NTNG2: variants seen among roughly 807,000 people sequenced by gnomAD.
NTNG2 encodes netrin G2.
Under a neutral mutation model 47.6 loss-of-function variants are expected in NTNG2, and 15 were observed. The ratio of observed to expected loss-of-function variants is 0.32; its 90% confidence interval spans 0.21 to 0.49. The LOEUF is 0.49. NTNG2 is among the 20% of genes least tolerant of loss of function. NTNG2 has a pLI of 0.99. For missense variants in NTNG2, 578 were observed against 764.6 expected (o/e 0.76, Z 2.88); for synonymous variants, 307 against 324.6 (o/e 0.95, Z 0.58).
At position 132,218,672 on chromosome 9, in the gene NTNG2, T is replaced by C. The variant is rs1460421627; in HGVS notation, c.858-8177T>C. 6.6e-6 allele frequency among the ~76,000 whole-genome samples: 1 copy of C among 152,022 alleles called. No individual in the cohort carries two copies. Among genetic ancestry groups the C allele is most frequent in the Non-Finnish European group, 1.5e-5 (1 of 68,000 alleles). On this transcript the variant is annotated intron_variant, in intron 3 of 7. Coordinates refer to ENST00000393229, the MANE Select transcript of NTNG2 (RefSeq NM_032536.4). The surrounding 1 kb of genome is among the most constrained non-coding windows in gnomAD (Gnocchi z 5.4). ...CCACCACACCCAGCTAATTTTTGTA[T>C]TTTTAGTAGAGACGGGATTTCACCA...
At chr9:132,223,407 T>C (rs1220943626) in intron 3 of NTNG2, among the ~76,000 whole-genome samples, 1 of 151,894 alleles carries the variant, frequency 6.6e-6, no homozygotes, top group Non-Finnish European at 1.5e-5. Flanking sequence ...CTGGCAGGAC[T>C]GAGATATGAG....
chr9:132,222,786 T>G (rs1840437677), intron 3 of NTNG2, among the ~76,000 whole-genome samples: 1 of 152,132 alleles, frequency 6.6e-6, no homozygotes, highest in South Asian at 2.1e-4. Context: ...TGGCCTGACC[T>G]CATGTTTCTA....
intron 4 of NTNG2, among the ~76,000 whole-genome samples, chr9:132,229,029 C>T (rs1841001110): frequency 1.3e-5 from 2 of 152,122 alleles, no homozygotes; most frequent in South Asian, 4.1e-4. Flanking sequence ...CCTGTAGGGG[C>T]TGGGCAGCTG....
rs970693244 is a variant in NTNG2 at position 132,197,024 on chromosome 9, G to A, written c.214-942G>A. On this transcript the variant is annotated intron_variant, in intron 2 of 7. Transcript: ENST00000393229. The surrounding 1 kb of genome is among the most constrained non-coding windows in gnomAD (Gnocchi z 4.3). ...GAAGAGACTCACAGAGTAAGGGATC[G>A]GGGAGAGACCCAGAGCTTCCAGGCC... is the stretch of plus-strand genomic sequence containing the variant. 1.3e-5 allele frequency among the ~76,000 whole-genome samples: 2 copies of A among 152,156 alleles called. No homozygotes were observed. The highest frequency in any genetic ancestry group is 6.5e-5 in the Admixed American group (1 of 15,280).
chr9:132,194,515 C>G (rs1838135033), intron 2 of NTNG2, among the ~76,000 whole-genome samples: 1 of 152,222 alleles, frequency 6.6e-6, no homozygotes, highest in Admixed American at 6.5e-5. Flanking sequence ...CCCCCCCGCC[C>G]CATGTCCCTC....
At chr9:132,216,406 CTCTCTCTCTGTGTGTGTGTGTA>C (rs1408637662) in intron 3 of NTNG2, among the ~76,000 whole-genome samples, 42 of 95,594 alleles carry the variant, frequency 4.4e-4, no homozygotes, top group African/African-American at 2.3e-3. Flanking sequence ...CTCTCTCTCT[CTCTCTCTCTGTGTGTGTGTGTA>C]TGTGTGTGTG....
At chr9:132,224,245 C>A (rs965760400) in intron 3 of NTNG2, among the ~76,000 whole-genome samples, 1 of 152,160 alleles carries the variant, frequency 6.6e-6, no homozygotes, top group Admixed American at 6.5e-5. Context: ...TCCCCACCCC[C>A]CTGCACAGTT....
intron 2 of NTNG2, among the ~76,000 whole-genome samples, chr9:132,171,038 G>T (rs947991172): frequency 6.6e-6 from 1 of 152,152 alleles, no homozygotes; most frequent in Admixed American, 6.5e-5. Context: ...GCACTAGGGG[G>T]TCCTGGGAAT....
chr9:132,227,103 A>G (rs1196517141), intron 4 of NTNG2, 82 bp downstream of exon 4: 8 of 1,418,006 alleles, frequency 5.6e-6, no homozygotes, highest in Non-Finnish European at 7.5e-6. Flanking sequence ...TGGATCATAC[A>G]CACGCACACA....
At chr9:132,169,931 G>C (rs377588604) in intron 2 of NTNG2, among the ~76,000 whole-genome samples, 1 of 152,188 alleles carries the variant, frequency 6.6e-6, no homozygotes, top group East Asian at 1.9e-4. Flanking sequence ...ATGCAGGCTG[G>C]GGGAGCTTCC....
chr9:132,208,837 C>T lies in NTNG2; in HGVS notation c.857+10228C>T, dbSNP rs1839367662. Among the ~76,000 whole-genome samples, 1 of 152,156 alleles carries T rather than the reference C, an allele frequency of 6.6e-6. No individual in the cohort carries two copies. The highest frequency in any genetic ancestry group is 1.5e-5 in the Non-Finnish European group (1 of 68,032). ...TAGAGTCATGCAACCACCACCACAG[C>T]CTGGGCCCACAACAGCCCGTCTCTC... is the stretch of plus-strand genomic sequence containing the variant. On this transcript the variant is annotated intron_variant, in intron 3 of 7. Coordinates refer to ENST00000393229, the MANE Select transcript of NTNG2 (RefSeq NM_032536.4). This position sits in a 1 kb window ranked among gnomAD's most constrained non-coding sequence, Gnocchi z 4.0.
intron 2 of NTNG2, among the ~76,000 whole-genome samples, chr9:132,185,545 G>A (rs924530971): frequency 2.6e-5 from 4 of 152,164 alleles, no homozygotes; most frequent in South Asian, 2.1e-4. Flanking sequence ...AGAGCAGGGC[G>A]CTGTTCCTAC....
At chr9:132,228,359 G>C (rs975752212) in intron 4 of NTNG2, among the ~76,000 whole-genome samples, 3 of 152,200 alleles carry the variant, frequency 2.0e-5, no homozygotes, top group African/African-American at 7.2e-5. Context: ...GCACTCCGGG[G>C]GCTGACAGCC....
At position 132,226,307 on chromosome 9, in the gene NTNG2, T is replaced by G. The variant is rs1403937394; in HGVS notation, c.858-542T>G. 6.6e-6 allele frequency among the ~76,000 whole-genome samples: 1 copy of G among 152,218 alleles called. No homozygotes were observed. Among genetic ancestry groups the G allele is most frequent in the Non-Finnish European group, 1.5e-5 (1 of 68,042 alleles). The stretch of plus-strand genomic sequence containing the variant: ...ATGAATAATACACCTGTGAATGAAC[T>G]GACGGGGGTGTGGGAGTTGGGGGTT... On this transcript the variant is annotated intron_variant, in intron 3 of 7. Coordinates refer to ENST00000393229, the MANE Select transcript of NTNG2 (RefSeq NM_032536.4). The surrounding 1 kb of genome is among the most constrained non-coding windows in gnomAD (Gnocchi z 4.8).
Position 132,170,419 on chromosome 9 carries a change from C to T in NTNG2, c.213+3375C>T, listed in dbSNP as rs531248479. 8.5e-5 allele frequency among the ~76,000 whole-genome samples: 13 copies of T among 152,378 alleles called. 1 individual carries two copies. Among genetic ancestry groups the T allele is most frequent in the African/African-American group, 2.6e-4 (11 of 41,598 alleles). Reference sequence around the variant, plus strand: ...GGAGAAGAGAGGCGGCCCCCACCCACATTCCCAGGGCCTGCCCCTGAGGTC... The same window carrying T: ...GGAGAAGAGAGGCGGCCCCCACCCATATTCCCAGGGCCTGCCCCTGAGGTC... On this transcript the variant is annotated intron_variant, in intron 2 of 7. Transcript: ENST00000393229.
At chr9:132,230,318 T>C (rs1053998832) in intron 4 of NTNG2, among the ~76,000 whole-genome samples, 2 of 152,228 alleles carry the variant, frequency 1.3e-5, no homozygotes, top group East Asian at 3.8e-4. Context: ...TGAGATTCAG[T>C]GTCTCCTTCT....
chr9:132,228,519 C>T (rs576512147), intron 4 of NTNG2, among the ~76,000 whole-genome samples: 1 of 152,068 alleles, frequency 6.6e-6, no homozygotes, highest in East Asian at 1.9e-4. Context: ...CTCTCTCTTC[C>T]CTCCTCTCTG....
intron 3 of NTNG2, among the ~76,000 whole-genome samples, chr9:132,207,603 A>T (rs1839267545): frequency 6.6e-6 from 1 of 152,220 alleles, no homozygotes; most frequent in South Asian, 2.1e-4. Flanking sequence ...TTTCCATGTA[A>T]GGTCACATTC....
rs527693021 is a variant in NTNG2, at chr9:132,225,239, TTTTG to T, written c.858-1606_858-1603del. 3.8e-4 allele frequency among the ~76,000 whole-genome samples: 57 copies of T among 151,604 alleles called. 1 individual carries two copies. The East Asian group carries it at 0.01, about 27-fold the overall frequency. On this transcript the variant is annotated intron_variant, in intron 3 of 7. Coordinates refer to ENST00000393229, the MANE Select transcript of NTNG2 (RefSeq NM_032536.4). ...GCCCTTTTGTTTTGTCTTGTTTTGT[TTTTG>T]TTTTTGTTTTGTTTGTTTTTGTTTT...
Sources: allele counts gnomAD v4.1 joint callset (sites outside exome capture counted in the v4.1 genomes callset), GRCh38; gene constraint gnomAD v4.1.1; non-coding constraint Gnocchi (gnomAD v3.1); transcripts MANE v1.5; gene names NCBI Gene and HGNC (gene_info 2026-07-23, HGNC 2026-07-21).